Variants in SLC44A4 observed in about 807,000 individuals in gnomAD.
SLC44A4 encodes the protein choline transporter-like protein 4.
Under a neutral mutation model 97.0 loss-of-function variants are expected in SLC44A4, and 74 were observed. The observed-to-expected ratio is 0.76, with a 90% confidence interval of 0.63 to 0.93. The LOEUF (loss-of-function observed/expected upper bound fraction) is 0.93. Among genes scored for constraint, SLC44A4 ranks in the 40% least tolerant of loss-of-function variants. The pLI, the probability that SLC44A4 is intolerant of heterozygous loss-of-function variation, is 0.00. For synonymous variants in SLC44A4, 325 were observed against 363.8 expected (o/e 0.89, Z 1.21); for missense variants, 799 against 902.9 (o/e 0.88, Z 1.48).
chr6:31,868,476 C>T (rs898632387), intron 13 of SLC44A4, among the ~76,000 whole-genome samples: 1 of 152,190 alleles, frequency 6.6e-6, no homozygotes, highest in African/African-American at 2.4e-5. Context: ...TAATTATCCT[C>T]ATTTTACAGA....
At position 31,869,649 on chromosome 6, in the gene SLC44A4, C is replaced by T; in HGVS notation, c.1038-12G>A. 6.3e-7 allele frequency: 1 copy of T among 1,591,010 alleles called. No individual in the cohort carries two copies. Among genetic ancestry groups the T allele is most frequent in the Non-Finnish European group, 8.6e-7 (1 of 1,168,496 alleles). ...TCTGTCCCACAGCCCTGCAGGGAGA[C>T]AAAGCTGTTAACCGGCACCGCCCCA... On this transcript the variant is annotated splice_polypyrimidine_tract_variant and intron_variant, in intron 11 of 20. Transcript: ENST00000229729.
chr6:31,871,172 AT>A, intron 9 of SLC44A4, 125 bp from the exon 10 acceptor site: 1 of 1,265,082 alleles, frequency 7.9e-7, no homozygotes, highest in Non-Finnish European at 1.1e-6. Flanking sequence ...TCCCTTATAA[AT>A]CCTGTTGGTC....
chr6:31,863,756 G>C lies in SLC44A4; in HGVS notation c.2012-8C>G. The C allele has an allele frequency of 6.2e-7, 1 of 1,612,242 alleles. No individual in the cohort carries two copies. Among genetic ancestry groups the C allele is most frequent in the South Asian group, 1.1e-5 (1 of 90,976 alleles). On this transcript the variant is annotated splice_polypyrimidine_tract_variant and splice_region_variant and intron_variant, in intron 20 of 20. Coordinates refer to ENST00000229729, the MANE Select transcript of SLC44A4 (RefSeq NM_025257.3). ...TCCGCTCCAGGTCTTCCACTGAGCC[G>C]CAACAGAGACCGGTTAGAGCGGACC...
At chr6:31,875,088 G>C in intron 4 of SLC44A4, 60 bp from the exon 5 acceptor site, 652 of 1,275,474 alleles carry the variant, frequency 5.1e-4, no homozygotes, top group Non-Finnish European at 6.7e-4. Flanking sequence ...GGAGGGGAGG[G>C]ACCACTAGGG....
chr6:31,867,038 A>G (rs1485785739), intron 13 of SLC44A4, among the ~76,000 whole-genome samples: 1 of 152,132 alleles, frequency 6.6e-6, no homozygotes. Context: ...ATAAAAAGTA[A>G]AAAGTCACAA....
At chr6:31,864,952 C>T (rs775649696) in intron 18 of SLC44A4, 42 bp from the exon 19 acceptor site, 11 of 1,613,548 alleles carry the variant, frequency 6.8e-6, no homozygotes, top group Non-Finnish European at 9.3e-6. Flanking sequence ...CCTCTGAGGC[C>T]ACCTCTTCAG....
rs906314820 is a variant in SLC44A4, at chr6:31,877,793, G to A, written c.41-711C>T. The A allele has an allele frequency of 5.4e-6, 1 of 183,708 alleles. No homozygotes were observed. The highest frequency in any genetic ancestry group is 2.4e-5 in the African/African-American group (1 of 41,974). 11.4% of individuals were successfully genotyped at this position (183,708 alleles called of 1,614,324 possible). ...CCCTGAGTACACACACAGGGAGGAG[G>A]AGGGCTGGGCAGTCAGGGTTCCTTG... On this transcript the variant is annotated intron_variant, in intron 1 of 20. Transcript: ENST00000229729. This position sits in a 1 kb window ranked among gnomAD's most constrained non-coding sequence, Gnocchi z 6.5.
Position 31,874,334 on chromosome 6 carries a change from G to T in SLC44A4, c.529+126C>A. On this transcript the variant is annotated intron_variant, in intron 7 of 20. Coordinates refer to ENST00000229729, the MANE Select transcript of SLC44A4 (RefSeq NM_025257.3). This position sits in a 1 kb window ranked among gnomAD's most constrained non-coding sequence, Gnocchi z 4.8. Reference sequence around the variant, plus strand: ...ATAACAAAGAGCAAAATGAAGACCTGATGCTAATTCCAATTTTGCCACCAA... The same window carrying T: ...ATAACAAAGAGCAAAATGAAGACCTTATGCTAATTCCAATTTTGCCACCAA... 1 of 1,000,986 alleles carries T rather than the reference G, an allele frequency of 1.0e-6. No homozygotes were observed. Among genetic ancestry groups the T allele is most frequent in the Non-Finnish European group, 1.5e-6 (1 of 645,328 alleles). 62.0% of individuals were successfully genotyped at this position (1,000,986 alleles called of 1,614,324 possible). A position where few individuals can be genotyped will look rare whatever the true frequency, so the allele number is the denominator to read the frequency against.
intron 12 of SLC44A4, 85 bp from the exon 13 acceptor site, chr6:31,869,342 C>T (rs1187678088): frequency 1.8e-6 from 2 of 1,135,910 alleles, no homozygotes; most frequent in Non-Finnish European, 2.5e-6. Flanking sequence ...GGTGCTTGTG[C>T]AGATCGTTTG....
chr6:31,870,646 G>T lies in SLC44A4; in HGVS notation c.994C>A (p.Gln332Lys). 1 of 1,609,748 alleles carries T rather than the reference G, an allele frequency of 6.2e-7. No individual in the cohort carries two copies. Among genetic ancestry groups the T allele is most frequent in the South Asian group, 1.1e-5 (1 of 90,522 alleles). ...ILLLMLIFLR[Q>K]RIRIAIALLK... is the part of the protein sequence containing the mutation. ...AGGGCGATGGCAATACGAATCCGCTGCCGCAGGAAGATGAGCATCAGCAGC... is the reference window on the plus strand; with the variant it reads ...AGGGCGATGGCAATACGAATCCGCTTCCGCAGGAAGATGAGCATCAGCAGC... The change falls in exon 11 of 21, where the codon CAG (glutamine) becomes AAG (lysine). Residue 332 changes from glutamine (Q) to lysine (K), a missense_variant. Physicochemically the swap from Gln to Lys is moderately conservative, Grantham distance 53. Transcript: ENST00000229729.
Position 31,878,985 on chromosome 6 carries a change from C to A in SLC44A4, c.-5G>T. 1 of 1,613,474 alleles carries A rather than the reference C, an allele frequency of 6.2e-7. No individual in the cohort carries two copies. Among genetic ancestry groups the A allele is most frequent in the Non-Finnish European group, 8.5e-7 (1 of 1,179,902 alleles). ...GTCCCGCTGCTTTCCCCCCATGGCT[C>A]AGTCTCCGGAGTGATTGGAGCCCTG... is the stretch of plus-strand genomic sequence containing the variant. On this transcript the variant is annotated 5_prime_UTR_variant, in exon 1 of 21. Coordinates refer to ENST00000229729, the MANE Select transcript of SLC44A4 (RefSeq NM_025257.3). The surrounding 1 kb of genome is among the most constrained non-coding windows in gnomAD (Gnocchi z 4.0).
chr6:31,866,217 C>T, intron 13 of SLC44A4, 91 bp from the exon 14 acceptor site: 5 of 1,491,880 alleles, frequency 3.4e-6, no homozygotes, highest in African/African-American at 2.8e-5. Flanking sequence ...TCCTGCCCCT[C>T]CCAGAGTTGA....
At chr6:31,869,700 C>T in intron 11 of SLC44A4, 63 bp from the exon 12 acceptor site, 1 of 1,412,350 alleles carries the variant, frequency 7.1e-7, no homozygotes, top group Admixed American at 2.0e-5. Flanking sequence ...AAGGGGCTGA[C>T]CCCGGCCGGG....
rs1312903081 is a variant in SLC44A4 at position 31,877,089 on chromosome 6, G to A, written c.41-7C>T. 4.4e-6 allele frequency: 7 copies of A among 1,609,000 alleles called. No homozygotes were observed. The highest frequency in any genetic ancestry group is 5.9e-6 in the Non-Finnish European group (7 of 1,178,700). Reference sequence around the variant, plus strand: ...TCGTATTTGACTGGCTTCCCTGAGGGACATGAGAAGAGGTGTGGAGGATGA... The same window carrying A: ...TCGTATTTGACTGGCTTCCCTGAGGAACATGAGAAGAGGTGTGGAGGATGA... On this transcript the variant is annotated splice_polypyrimidine_tract_variant and splice_region_variant and intron_variant, in intron 1 of 20. Coordinates refer to ENST00000229729, the MANE Select transcript of SLC44A4 (RefSeq NM_025257.3). The surrounding 1 kb of genome is among the most constrained non-coding windows in gnomAD (Gnocchi z 6.5).
chr6:31,865,222 C>T lies in SLC44A4; in HGVS notation c.1760+93G>A. 3 of 1,541,836 alleles carry T rather than the reference C, an allele frequency of 1.9e-6. No individual in the cohort carries two copies. The highest frequency in any genetic ancestry group is 1.7e-5 in the Admixed American group (1 of 59,900). ...GCAAGAGCAGAGCACTAAACTAAGT[C>T]TAGGGCCCGACTGAGCACAGCACAC... On this transcript the variant is annotated intron_variant, in intron 17 of 20. Coordinates refer to ENST00000229729, the MANE Select transcript of SLC44A4 (RefSeq NM_025257.3). This position sits in a 1 kb window ranked among gnomAD's most constrained non-coding sequence, Gnocchi z 5.2.
In SLC44A4 at chr6:31,870,811, C is replaced by G; in HGVS notation, c.937+1G>C. The G allele has an allele frequency of 6.2e-7, 1 of 1,613,016 alleles. No individual in the cohort carries two copies. Among genetic ancestry groups the G allele is most frequent in the Non-Finnish European group, 8.5e-7 (1 of 1,179,984 alleles). On this transcript the variant is annotated splice_donor_variant, in intron 10 of 20. Coordinates refer to ENST00000229729, the MANE Select transcript of SLC44A4 (RefSeq NM_025257.3). LOFTEE classifies it high-confidence loss of function. ...GGCTTGGGGGTGGGCAGGACACTCA[C>G]GGGCGGCCAGCCAGGTCTCCTGCAC... is the stretch of plus-strand genomic sequence containing the variant.
chr6:31,875,168 T>A, intron 4 of SLC44A4, 140 bp from the exon 5 acceptor site: 1 of 640,542 alleles, frequency 1.6e-6, no homozygotes, highest in Non-Finnish European at 2.7e-6. Flanking sequence ...CTCCTGGCCC[T>A]AGCTCAGCTG....
Position 31,876,134 on chromosome 6 carries a change from G to A in SLC44A4, c.90-5C>T. On this transcript the variant is annotated splice_region_variant and splice_polypyrimidine_tract_variant and intron_variant, in intron 2 of 20. Coordinates refer to ENST00000229729, the MANE Select transcript of SLC44A4 (RefSeq NM_025257.3). The surrounding 1 kb of genome is among the most constrained non-coding windows in gnomAD (Gnocchi z 4.8). ...CAGATGACATCTGTGCAGCTTCTGA[G>A]AGAGAAACGAAACGGGAGGCTGAGC... The A allele has an allele frequency of 6.2e-7, 1 of 1,611,712 alleles. No individual in the cohort carries two copies. Among genetic ancestry groups the A allele is most frequent in the South Asian group, 1.1e-5 (1 of 90,832 alleles).
chr6:31,871,297 G>T lies in SLC44A4; in HGVS notation c.701+17C>A. ...AAGAAGGCAAGGACACAAGAGGAGG[G>T]GAATCTGGTGACTCACACAAGAATC... On this transcript the variant is annotated intron_variant, in intron 9 of 20. Coordinates refer to ENST00000229729, the MANE Select transcript of SLC44A4 (RefSeq NM_025257.3). 1 of 1,608,182 alleles carries T rather than the reference G, an allele frequency of 6.2e-7. No homozygotes were observed. The highest frequency in any genetic ancestry group is 8.5e-7 in the Non-Finnish European group (1 of 1,174,652).
Sources: gnomAD v4.1 joint callset for allele counts (sites outside exome capture counted in the v4.1 genomes callset) on GRCh38, gnomAD v4.1.1 for gene constraint, Gnocchi (gnomAD v3.1) non-coding constraint, MANE v1.5 for transcripts, NCBI Gene and HGNC (gene_info 2026-07-23, HGNC 2026-07-21) for gene names.